The following ZNF385D variants were observed in gnomAD, a reference collection of about 807,000 sequenced individuals.
ZNF385D encodes the protein zinc finger protein 385D, also known as zinc finger protein 659.
ZNF385D carries 15 observed loss-of-function variants against 35.8 expected under a neutral mutation model. That is an observed-to-expected ratio of 0.42 (90% CI 0.28 to 0.64). The LOEUF (loss-of-function observed/expected upper bound fraction) is 0.64. Ranked by LOEUF, ZNF385D falls within the 30% of genes least tolerant of loss-of-function variation. ZNF385D has a pLI of 0.23. For missense variants in ZNF385D, 474 were observed against 494.6 expected (o/e 0.96, Z 0.39); for synonymous variants, 212 against 186.8 (o/e 1.13, Z -1.10).
Position 21,803,774 on chromosome 3 carries a change from T to C in ZNF385D, c.326-138746A>G, listed in dbSNP as rs2072513513. On this transcript the variant is annotated intron_variant, in intron 3 of 5. Coordinates refer to the ZNF385D transcript ENST00000494108. ...TCTAAGTACTTACTGAATATCTCCA[T>C]ATGAGATATAATTTTCAAGGAACCA... Among the ~76,000 whole-genome samples the C allele has an allele frequency of 1.3e-5, 2 of 152,186 alleles. 1 individual carries two copies. The highest frequency in any genetic ancestry group is 4.8e-5 in the African/African-American group (2 of 41,452).
At chr3:21,580,761 A>G (rs2063632529) in intron 2 of ZNF385D, among the ~76,000 whole-genome samples, 1 of 151,658 alleles carries the variant, frequency 6.6e-6, no homozygotes, top group African/African-American at 2.4e-5. Context: ...ATGCAAATGT[A>G]CATATATATA....
intron 3 of ZNF385D, among the ~76,000 whole-genome samples, chr3:21,786,243 A>G (rs181200880): frequency 1.3e-5 from 2 of 152,222 alleles, no homozygotes; most frequent in Admixed American, 1.3e-4. Context: ...ATACTTCCCT[A>G]CTGCCTGTAT....
intron 3 of ZNF385D, among the ~76,000 whole-genome samples, chr3:21,797,372 T>A (rs950620905): frequency 6.6e-6 from 1 of 152,194 alleles, no homozygotes; most frequent in African/African-American, 2.4e-5. Context: ...CAACTGGAAC[T>A]CTGATTCATT....
At chr3:22,168,920 G>A (rs1559424028) in exon 3 of ZNF385D, 4 of 985,846 alleles carry the variant, frequency 4.1e-6, no homozygotes, top group Non-Finnish European at 4.8e-6. Context: ...TCAGCTGAAT[G>A]TTACATACAT....
intron 3 of ZNF385D, among the ~76,000 whole-genome samples, chr3:22,105,591 T>C (rs1181516835): frequency 2.0e-5 from 3 of 152,088 alleles, no homozygotes; most frequent in African/African-American, 7.2e-5. Context: ...GCTGATGGTG[T>C]AGATCACAGT....
At position 21,891,566 on chromosome 3, in the gene ZNF385D, G is replaced by A. The variant is rs532435884; in HGVS notation, c.326-226538C>T. ...GGGTTTATTTCTGTTTTACTTGTGTGTATCTGGCAATTAAACTAGAATCCA... is the reference window on the plus strand; with the variant it reads ...GGGTTTATTTCTGTTTTACTTGTGTATATCTGGCAATTAAACTAGAATCCA... On this transcript the variant is annotated intron_variant, in intron 3 of 5. Coordinates refer to the ZNF385D transcript ENST00000494108. 8.3e-4 allele frequency among the ~76,000 whole-genome samples: 126 copies of A among 152,212 alleles called. 1 individual carries two copies. Among genetic ancestry groups the A allele is most frequent in the African/African-American group, 2.6e-3 (109 of 41,534 alleles).
chr3:22,012,223 C>G (rs759117622), intron 3 of ZNF385D, among the ~76,000 whole-genome samples: 2 of 152,126 alleles, frequency 1.3e-5, no homozygotes, highest in African/African-American at 2.4e-5. Flanking sequence ...TCTTCATTGA[C>G]ATTTTAAGAA....
At chr3:21,922,477 T>A (rs541005252) in intron 3 of ZNF385D, among the ~76,000 whole-genome samples, 30 of 152,032 alleles carry the variant, frequency 2.0e-4, no homozygotes, top group African/African-American at 7.0e-4. Context: ...AACCCAGAAA[T>A]AGAGTCACAC....
chr3:22,298,564 C>CACACAG (rs1318388915), intron 2 of ZNF385D, among the ~76,000 whole-genome samples: 1 of 147,180 alleles, frequency 6.8e-6, no homozygotes, highest in East Asian at 2.0e-4. Flanking sequence ...CACACATACA[C>CACACAG]ACACACACAC....
intron 1 of ZNF385D, among the ~76,000 whole-genome samples, chr3:21,732,060 T>TGAGAACGGAG (rs2069038833): frequency 2.3e-5 from 2 of 85,496 alleles, no homozygotes; most frequent in Admixed American, 1.5e-4. Context: ...TTTTTTTTTT[T>TGAGAACGGAG]TTTTTTTTTG....
At chr3:21,693,444 G>T (rs2067350294) in intron 1 of ZNF385D, among the ~76,000 whole-genome samples, 1 of 152,120 alleles carries the variant, frequency 6.6e-6, no homozygotes, top group Non-Finnish European at 1.5e-5. Context: ...TTACAGTATA[G>T]ACCCTTGTCT....
At chr3:22,024,257 G>A (rs1170074817) in intron 3 of ZNF385D, among the ~76,000 whole-genome samples, 3 of 152,046 alleles carry the variant, frequency 2.0e-5, no homozygotes, top group African/African-American at 7.2e-5. Flanking sequence ...CTTGCAGATA[G>A]CCCATTGTGG....
chr3:22,269,214 C>A (rs1701050496), intron 2 of ZNF385D, among the ~76,000 whole-genome samples: 1 of 151,922 alleles, frequency 6.6e-6, no homozygotes, highest in African/African-American at 2.4e-5. Flanking sequence ...TAATCATTGT[C>A]TAACATATAG....
intron 3 of ZNF385D, among the ~76,000 whole-genome samples, chr3:21,933,555 A>C (rs917754734): frequency 6.6e-6 from 1 of 152,210 alleles, no homozygotes; most frequent in Non-Finnish European, 1.5e-5. Flanking sequence ...GCTTTGTACT[A>C]TATGGGCCTA....
intron 1 of ZNF385D, among the ~76,000 whole-genome samples, chr3:21,681,995 T>C (rs1054475970): frequency 6.6e-6 from 1 of 152,142 alleles, no homozygotes; most frequent in Non-Finnish European, 1.5e-5. Flanking sequence ...TGACAAATGT[T>C]TGACATCATT....
At chr3:21,627,498 A>G (rs12054239) in intron 2 of ZNF385D, among the ~76,000 whole-genome samples, 14,602 of 152,080 alleles carry the variant, frequency 0.096, 1,031 homozygotes, top group East Asian at 0.29. Context: ...AATCAGGTCT[A>G]TTAATCAGAT....
intron 3 of ZNF385D, among the ~76,000 whole-genome samples, chr3:21,555,069 T>G (rs542699339): frequency 6.6e-6 from 1 of 152,328 alleles, no homozygotes; most frequent in East Asian, 1.9e-4. Flanking sequence ...ACAACTTAGC[T>G]AACCGCTTGG....
intron 2 of ZNF385D, among the ~76,000 whole-genome samples, chr3:22,213,430 T>C (rs6777706): frequency 0.082 from 12,421 of 152,092 alleles, 1,385 homozygotes; most frequent in African/African-American, 0.25. Context: ...GATTGTCACA[T>C]AAACAGATGT....
chr3:22,284,676 C>A (rs757651967), intron 2 of ZNF385D, among the ~76,000 whole-genome samples: 2 of 152,132 alleles, frequency 1.3e-5, no homozygotes, highest in Admixed American at 6.6e-5. Context: ...GGAAAAGCAA[C>A]CATAAACTAA....
Sources: allele counts gnomAD v4.1 joint callset (sites outside exome capture counted in the v4.1 genomes callset), GRCh38; gene constraint gnomAD v4.1.1; transcripts MANE v1.5; gene names NCBI Gene and HGNC (gene_info 2026-07-23, HGNC 2026-07-21).